Variants in CEP112 observed in about 807,000 individuals in gnomAD.
The protein encoded by CEP112 is centrosomal protein 112, also known as centrosomal protein of 112 kDa.
CEP112 carries 127 observed loss-of-function variants against 153.0 expected under a neutral mutation model. The observed-to-expected ratio is 0.83, with a 90% CI of 0.72 to 0.96. CEP112 has a LOEUF of 0.96. Among genes scored for constraint, CEP112 ranks in the 40% least tolerant of loss-of-function variants. The pLI is 0.00. For missense variants in CEP112, 1,089 were observed against 1,101.2 expected (o/e 0.99, Z 0.16); for synonymous variants, 358 against 374.4 (o/e 0.96, Z 0.51).
At chr17:65,866,941 C>CA (rs369385861) in intron 20 of CEP112, among the ~76,000 whole-genome samples, 7 of 152,074 alleles carry the variant, frequency 4.6e-5, no homozygotes, top group African/African-American at 1.7e-4. Context: ...TGGGACCTGC[C>CA]AAAAAAACAA....
chr17:65,676,533 C>G (rs1468036935), intron 24 of CEP112, among the ~76,000 whole-genome samples: 1 of 152,032 alleles, frequency 6.6e-6, no homozygotes, highest in African/African-American at 2.4e-5. Context: ...CAAACCAAGT[C>G]TAAAATTTAT....
At chr17:66,049,621 C>T (rs1395888071) in intron 12 of CEP112, among the ~76,000 whole-genome samples, 2 of 152,100 alleles carry the variant, frequency 1.3e-5, no homozygotes, top group Non-Finnish European at 2.9e-5. Context: ...CATGGTGGCA[C>T]ACACCTGTAA....
chr17:65,913,877 C>T, intron 19 of CEP112: 1 of 985,262 alleles, frequency 1.0e-6, no homozygotes, highest in Non-Finnish European at 1.2e-6. Context: ...TCCCATTTAA[C>T]ACTTCAAAAC....
At chr17:66,030,060 T>TCGGCCGGGCG in intron 12 of CEP112, 37 bp from the exon 13 acceptor site, 1 of 1,586,502 alleles carries the variant, frequency 6.3e-7, no homozygotes, top group Non-Finnish European at 8.6e-7. Context: ...AGTCTCTGAC[T>TCGGCCGGGCG]CAGTTGTAAC....
intron 6 of CEP112, among the ~76,000 whole-genome samples, chr17:66,096,960 C>G (rs142897847): frequency 6.6e-6 from 1 of 152,264 alleles, no homozygotes; most frequent in East Asian, 1.9e-4. Context: ...GGCAGATGTT[C>G]TCATGCCTGT....
intron 6 of CEP112, among the ~76,000 whole-genome samples, chr17:66,128,395 A>T (rs1427568198): frequency 2.0e-5 from 3 of 152,054 alleles, no homozygotes; most frequent in Non-Finnish European, 4.4e-5. Flanking sequence ...TTCTACTCAT[A>T]TCCAATAGAA....
intron 20 of CEP112, among the ~76,000 whole-genome samples, chr17:65,875,062 G>T (rs376627283): frequency 6.6e-6 from 1 of 151,944 alleles, no homozygotes; most frequent in Non-Finnish European, 1.5e-5. Context: ...CATAGTAAAT[G>T]ATGGTATCAA....
At chr17:65,905,572 C>T (rs1056141931) in intron 19 of CEP112, among the ~76,000 whole-genome samples, 2 of 152,170 alleles carry the variant, frequency 1.3e-5, no homozygotes, top group Admixed American at 1.3e-4. Flanking sequence ...AACAGAAATA[C>T]CATTTGACCC....
At chr17:66,112,904 T>C (rs1347862045) in intron 6 of CEP112, among the ~76,000 whole-genome samples, 1 of 151,842 alleles carries the variant, frequency 6.6e-6, no homozygotes, top group Non-Finnish European at 1.5e-5. Context: ...CAAGATCATG[T>C]CATTGCACTC....
chr17:65,686,495 A>G (rs943414262), intron 24 of CEP112, among the ~76,000 whole-genome samples: 1 of 152,178 alleles, frequency 6.6e-6, no homozygotes, highest in Non-Finnish European at 1.5e-5. Flanking sequence ...CTTAAGTCAT[A>G]TTTTACCACA....
intron 18 of CEP112, among the ~76,000 whole-genome samples, chr17:65,937,541 C>A (rs1364155932): frequency 8.4e-6 from 1 of 118,828 alleles, no homozygotes. Flanking sequence ...CTCTGCCCGG[C>A]CAGCCGCCCC....
chr17:65,838,242 A>G (rs2057395671), intron 21 of CEP112, among the ~76,000 whole-genome samples: 1 of 152,208 alleles, frequency 6.6e-6, no homozygotes, highest in Admixed American at 6.5e-5. Flanking sequence ...TCCAGTATAG[A>G]CTACATATTA....
intron 17 of CEP112, among the ~76,000 whole-genome samples, chr17:65,983,319 C>T (rs886906347): frequency 1.3e-5 from 2 of 152,190 alleles, no homozygotes; most frequent in African/African-American, 4.8e-5. Context: ...AAAATGAGGA[C>T]AGTGAACCAA....
chr17:66,089,153 ACAGCCTGCC>A (rs1288688113), intron 8 of CEP112, among the ~76,000 whole-genome samples: 1 of 152,148 alleles, frequency 6.6e-6, no homozygotes, highest in Non-Finnish European at 1.5e-5. Context: ...AATAGGCCAA[ACAGCCTGCC>A]CAGAATCTCT....
At chr17:65,806,120 T>C (rs977493432) in intron 21 of CEP112, among the ~76,000 whole-genome samples, 1 of 152,368 alleles carries the variant, frequency 6.6e-6, no homozygotes, top group African/African-American at 2.4e-5. Context: ...TAGGGTGCTA[T>C]AGTTGGAAAA....
intron 21 of CEP112, among the ~76,000 whole-genome samples, chr17:65,773,969 C>T (rs867958972): frequency 6.6e-6 from 1 of 151,948 alleles, no homozygotes; most frequent in Non-Finnish European, 1.5e-5. Flanking sequence ...CGCCTGTAAT[C>T]CCAGCTACTT....
intron 2 of CEP112, among the ~76,000 whole-genome samples, chr17:66,177,311 A>G (rs1486121738): frequency 2.6e-5 from 4 of 152,236 alleles, no homozygotes; most frequent in African/African-American, 9.6e-5. Flanking sequence ...CCCATGGGCC[A>G]TTGTCTGCTA....
At position 65,910,776 on chromosome 17, in the gene CEP112, G is replaced by A. The variant is rs9901014; in HGVS notation, c.1981-8442C>T. On this transcript the variant is annotated intron_variant, in intron 19 of 26. Coordinates refer to ENST00000535342, the MANE Select transcript of CEP112 (RefSeq NM_001199165.4). ...CATGTAAACACAGACCGTGGTATCC[G>A]AAAATTTCCCTAAAATGAATGAAGA... is the stretch of plus-strand genomic sequence containing the variant. 2.4e-3 allele frequency among the ~76,000 whole-genome samples: 372 copies of A among 152,216 alleles called. 1 individual carries two copies. The highest frequency in any genetic ancestry group is 8.5e-3 in the African/African-American group (352 of 41,538).
At chr17:65,902,059 CAG>C (rs1426150908) in intron 20 of CEP112, 91 bp downstream of exon 20, 1 of 484,630 alleles carries the variant, frequency 2.1e-6, no homozygotes, top group African/African-American at 2.3e-5. Flanking sequence ...AATGATCAAA[CAG>C]CGTGCATCAA....
Sources: allele counts gnomAD v4.1 joint callset (sites outside exome capture counted in the v4.1 genomes callset), GRCh38; gene constraint gnomAD v4.1.1; transcripts MANE v1.5; gene names NCBI Gene and HGNC (gene_info 2026-07-23, HGNC 2026-07-21).